PRDM16: variants seen among roughly 807,000 people sequenced by gnomAD.
PRDM16 encodes the protein PR/SET domain 16.
A neutral mutation model predicts 110.6 loss-of-function variants in PRDM16; 23 were observed. The observed-to-expected ratio is 0.21, with a 90% CI of 0.15 to 0.29. The LOEUF (loss-of-function observed/expected upper bound fraction) is 0.29. PRDM16 is among the 10% of genes least tolerant of loss of function. The pLI is 1.00. For missense variants in PRDM16, 1,615 were observed against 1,794.3 expected (o/e 0.90, Z 1.81); for synonymous variants, 799 against 781.8 (o/e 1.02, Z -0.37).
At chr1:3,077,924 C>T (rs577043963) in intron 1 of PRDM16, among the ~76,000 whole-genome samples, 52 of 152,322 alleles carry the variant, frequency 3.4e-4, no homozygotes, top group African/African-American at 1.3e-3. Context: ...TGATTGTTAG[C>T]TGCTCATTTC....
At chr1:3,431,140 A>C (rs1453174658) in intron 15 of PRDM16, 32 bp downstream of exon 15, 1 of 1,541,762 alleles carries the variant, frequency 6.5e-7, no homozygotes. Context: ...AGGATGGGGC[A>C]GGGAGGGAAC....
At chr1:3,158,402 T>A (rs569999085) in intron 1 of PRDM16, among the ~76,000 whole-genome samples, 3 of 152,372 alleles carry the variant, frequency 2.0e-5, no homozygotes, top group African/African-American at 4.8e-5. Flanking sequence ...AAAATTTAAA[T>A]GTAATTAAAT....
rs368115298 is a variant in PRDM16 at position 3,431,969 on chromosome 1, T to C, written c.3525T>C (p.Cys1175=). The change falls in exon 16 of 17, where the codon TGT becomes TGC. Residue 1175 remains cysteine, a synonymous_variant. Transcript: ENST00000270722. The stretch of plus-strand genomic sequence containing the variant: ...CTCTCCCCGGTCATTGGTGCAGGTG[T>C]GCTGAGGACCACGAAGGCGGTCTGT... ...LAVGFDHTRR[C]AEDHEGGLLA... is the part of the protein sequence containing the mutation. 2.5e-6 allele frequency: 4 copies of C among 1,612,736 alleles called. No individual in the cohort carries two copies. In the African/African-American group the frequency reaches 4.0e-5, roughly 16 times the overall value.
At chr1:3,106,093 C>T (rs1642645544) in intron 1 of PRDM16, among the ~76,000 whole-genome samples, 2 of 152,150 alleles carry the variant, frequency 1.3e-5, no homozygotes, top group Admixed American at 1.3e-4. Context: ...CACCCTCGGC[C>T]TCAAAGGATG....
At chr1:3,427,467 C>A (rs1638642786) in intron 14 of PRDM16, among the ~76,000 whole-genome samples, 1 of 152,150 alleles carries the variant, frequency 6.6e-6, no homozygotes, top group African/African-American at 2.4e-5. Flanking sequence ...CCAGCTCACT[C>A]CCCACCACCT....
chr1:3,383,957 CTGCCCAAGGACACACT>C (rs966051344), intron 3 of PRDM16, among the ~76,000 whole-genome samples: 4 of 151,674 alleles, frequency 2.6e-5, no homozygotes, highest in Non-Finnish European at 4.4e-5. Flanking sequence ...CAGGACACAC[CTGCCCAAGGACACACT>C]TGCCCAAGGA....
chr1:3,279,465 C>T (rs890939944), intron 3 of PRDM16, among the ~76,000 whole-genome samples: 21 of 152,258 alleles, frequency 1.4e-4, no homozygotes, highest in African/African-American at 4.6e-4. Flanking sequence ...TGCCCGGCGG[C>T]GTCAGTCTGG....
In PRDM16 at chr1:3,289,119, C is replaced by A. The variant is rs111620956; in HGVS notation, c.438+44982C>A. 6.2e-3 allele frequency among the ~76,000 whole-genome samples: 944 copies of A among 152,354 alleles called. 9 individuals are homozygous for A. The highest frequency in any genetic ancestry group is 0.021 in the African/African-American group (886 of 41,590). ...GTCCCACTGCCTTTTCCCTCCTGTGCTTGTCGCCCGGCCCCTGCTACAGGG... is the reference window on the plus strand; with the variant it reads ...GTCCCACTGCCTTTTCCCTCCTGTGATTGTCGCCCGGCCCCTGCTACAGGG... On this transcript the variant is annotated intron_variant, in intron 3 of 16. Transcript: ENST00000270722.
At chr1:3,091,464 G>T (rs1239332359) in intron 1 of PRDM16, among the ~76,000 whole-genome samples, 1 of 152,224 alleles carries the variant, frequency 6.6e-6, no homozygotes, top group Non-Finnish European at 1.5e-5. Flanking sequence ...GATCCAGGGG[G>T]AGTTCGTGAG....
chr1:3,286,198 G>T (rs563844237), intron 3 of PRDM16, among the ~76,000 whole-genome samples: 2 of 152,278 alleles, frequency 1.3e-5, no homozygotes, highest in South Asian at 4.2e-4. Context: ...CCCTCACAGT[G>T]GTCCCAGTAA....
intron 4 of PRDM16, among the ~76,000 whole-genome samples, chr1:3,394,084 G>A (rs1490797114): frequency 6.6e-6 from 1 of 152,118 alleles, no homozygotes; most frequent in East Asian, 1.9e-4. Context: ...CCGGGGTGGG[G>A]TCCCAGGAGA....
chr1:3,373,732 C>T lies in PRDM16; in HGVS notation c.439-11420C>T, dbSNP rs967773912. Among the ~76,000 whole-genome samples, 12 of 152,306 alleles carry T rather than the reference C, an allele frequency of 7.9e-5. 1 individual carries two copies. The South Asian group carries it at 2.5e-3, about 32-fold the overall frequency. The stretch of plus-strand genomic sequence containing the variant: ...AGCAGCCTGGCCCCGTGTGGCAAAC[C>T]CACTCCAGCCTGCACCTCCGTGAGA... On this transcript the variant is annotated intron_variant, in intron 3 of 16. Coordinates refer to ENST00000270722, the MANE Select transcript of PRDM16 (RefSeq NM_022114.4).
At chr1:3,185,170 C>G (rs1301968117) in intron 1 of PRDM16, among the ~76,000 whole-genome samples, 1 of 152,168 alleles carries the variant, frequency 6.6e-6, no homozygotes, top group African/African-American at 2.4e-5. Context: ...CCTCGCCCTG[C>G]CCATCTCCCT....
At chr1:3,169,477 A>G (rs1368078038) in intron 1 of PRDM16, among the ~76,000 whole-genome samples, 1 of 151,824 alleles carries the variant, frequency 6.6e-6, no homozygotes, top group African/African-American at 2.4e-5. Flanking sequence ...TTTGAGCCCC[A>G]CCCCTCTCCC....
intron 3 of PRDM16, among the ~76,000 whole-genome samples, chr1:3,314,941 C>A (rs1641564119): frequency 6.6e-6 from 1 of 152,100 alleles, no homozygotes; most frequent in African/African-American, 2.4e-5. Flanking sequence ...GGTAACATCA[C>A]ACAGGAAGAG....
At chr1:3,356,314 T>C (rs1243595096) in intron 3 of PRDM16, among the ~76,000 whole-genome samples, 1 of 152,190 alleles carries the variant, frequency 6.6e-6, no homozygotes, top group African/African-American at 2.4e-5. Flanking sequence ...ACAGTGCCCC[T>C]GGCCAGGGCG....
chr1:3,426,356 C>T, intron 14 of PRDM16, 131 bp downstream of exon 14: 1 of 681,852 alleles, frequency 1.5e-6, no homozygotes, highest in Non-Finnish European at 2.4e-6. Context: ...GTGGGGGCCT[C>T]ACCACAGAGG....
At chr1:3,292,611 G>A (rs1036815591) in intron 3 of PRDM16, among the ~76,000 whole-genome samples, 1 of 152,120 alleles carries the variant, frequency 6.6e-6, no homozygotes, top group Non-Finnish European at 1.5e-5. Flanking sequence ...TTGTCCAGAC[G>A]GAAGGGGAAA....
intron 2 of PRDM16, among the ~76,000 whole-genome samples, chr1:3,194,888 C>T (rs1291464490): frequency 2.6e-5 from 4 of 152,232 alleles, no homozygotes; most frequent in African/African-American, 9.6e-5. Flanking sequence ...GTGGGCTCGG[C>T]CCCGGGACGT....
Sources: gnomAD v4.1 joint callset for allele counts (sites outside exome capture counted in the v4.1 genomes callset) on GRCh38, gnomAD v4.1.1 for gene constraint, MANE v1.5 for transcripts, NCBI Gene and HGNC (gene_info 2026-07-23, HGNC 2026-07-21) for gene names.